FOXE1: variants seen among roughly 807,000 people sequenced by gnomAD.
FOXE1 encodes forkhead box protein E1.
Under a neutral mutation model 2.1 loss-of-function variants are expected in FOXE1, and 4 were observed. That is an observed-to-expected ratio of 1.91 (90% CI 0.94 to 4.37). The LOEUF (loss-of-function observed/expected upper bound fraction) is 4.37. Among genes scored for constraint, FOXE1 ranks in the 30% most tolerant of loss-of-function variants. The probability of loss-of-function intolerance (pLI) is 0.01; values close to 1 mark genes in which losing one functional copy is unlikely to be tolerated. For missense variants in FOXE1, 574 were observed against 583.3 expected (o/e 0.98, Z 0.16); for synonymous variants, 277 against 272.4 (o/e 1.02, Z -0.17).
chr9:97,854,101 G>C lies in FOXE1; in HGVS notation c.187G>C (p.Ala63Pro). Reference sequence around the variant, plus strand: ...GCCCTACAGCTACATCGCGCTCATCGCCATGGCCATCGCGCACGCGCCCGA... The same window carrying C: ...GCCCTACAGCTACATCGCGCTCATCCCCATGGCCATCGCGCACGCGCCCGA... ...KPPYSYIALI[A>P]MAIAHAPERR... is the part of the protein sequence containing the mutation. The change falls in exon 1 of 1, where the codon GCC (alanine) becomes CCC (proline). Residue 63 changes from alanine (A) to proline (P), a missense_variant. Ala to Pro is a conservative substitution (Grantham distance 27). Coordinates refer to ENST00000375123, the MANE Select transcript of FOXE1 (RefSeq NM_004473.4). 6.2e-7 allele frequency: 1 copy of C among 1,609,732 alleles called. No individual in the cohort carries two copies. Among genetic ancestry groups the C allele is most frequent in the Non-Finnish European group, 8.5e-7 (1 of 1,178,212 alleles).
rs2131485266 is a variant in FOXE1, at chr9:97,853,783, C to G, written c.-132C>G. 1.2e-6 allele frequency: 1 copy of G among 834,280 alleles called. No homozygotes were observed. Among genetic ancestry groups the G allele is most frequent in the Non-Finnish European group, 1.6e-6 (1 of 632,062 alleles). 51.7% of individuals were successfully genotyped at this position (834,280 alleles called of 1,614,324 possible). On this transcript the variant is annotated 5_prime_UTR_variant, in exon 1 of 1. Transcript: ENST00000375123. Reference sequence around the variant, plus strand: ...GTGCCAGCCTGGGCCGCTGGGCTCTCGGGGCCAGCCCGCGACGATCCCCTG... The same window carrying G: ...GTGCCAGCCTGGGCCGCTGGGCTCTGGGGGCCAGCCCGCGACGATCCCCTG...
rs1302186073 is a variant in FOXE1 at position 97,854,787 on chromosome 9, C to T, written c.873C>T (p.Gly291=). ...YAGPDGAYPQ[G]AGSAIFAAAG... ...GCCCCGACGGCGCGTACCCGCAGGG[C>T]GCCGGCAGTGCGATCTTTGCCGCTG... Residue 291 remains glycine, a synonymous_variant, in exon 1 of 1, where the codon GGC becomes GGT. Transcript: ENST00000375123. 3 of 1,523,530 alleles carry T rather than the reference C, an allele frequency of 2.0e-6. No homozygotes were observed. Among genetic ancestry groups the T allele is most frequent in the Admixed American group, 2.0e-5 (1 of 49,920 alleles). The allele number at this position is 1,523,530 out of a possible 1,614,324, so 94.4% of individuals were successfully genotyped here.
rs1242527237 is a variant in FOXE1 at position 97,855,178 on chromosome 9, G to A, written c.*142G>A. 55 of 1,098,434 alleles carry A rather than the reference G, an allele frequency of 5.0e-5. No homozygotes were observed. Among genetic ancestry groups the A allele is most frequent in the Non-Finnish European group, 2.7e-6 (2 of 737,186 alleles). 68.0% of individuals were successfully genotyped at this position (1,098,434 alleles called of 1,614,324 possible). ...CAGGCCACAGAGGCTCGGTCTCCCC[G>A]CGCACAGCGTAGGCACCCGGTGTAC... On this transcript the variant is annotated 3_prime_UTR_variant, in exon 1 of 1. Transcript: ENST00000375123.
In FOXE1 at chr9:97,855,128, T is replaced by C; in HGVS notation, c.*92T>C. The C allele has an allele frequency of 6.7e-7, 1 of 1,494,834 alleles. No individual in the cohort carries two copies. The highest frequency in any genetic ancestry group is 9.2e-7 in the Non-Finnish European group (1 of 1,092,162). The allele number at this position is 1,494,834 out of a possible 1,614,324, so 92.6% of individuals were successfully genotyped here. ...AACAGGAATGGAGAGAGGACTCAAC[T>C]GGGACCCACGTGGAAAAGACCGAGC... is the stretch of plus-strand genomic sequence containing the variant. On this transcript the variant is annotated 3_prime_UTR_variant, in exon 1 of 1. Transcript: ENST00000375123.
rs558894547 is a variant in FOXE1 at position 97,855,412 on chromosome 9, A to G, written c.*376A>G. 3.0e-6 allele frequency: 1 copy of G among 338,828 alleles called. No homozygotes were observed. The highest frequency in any genetic ancestry group is 4.4e-5 in the Admixed American group (1 of 22,972). The allele number at this position is 338,828 out of a possible 1,614,324, so 21.0% of individuals were successfully genotyped here. ...GTTTCAGCCTTCCATGTGCTGCCGG[A>G]ACTCGGGCCTTTTTACGCGGTTCGT... On this transcript the variant is annotated 3_prime_UTR_variant, in exon 1 of 1. Coordinates refer to ENST00000375123, the MANE Select transcript of FOXE1 (RefSeq NM_004473.4).
In FOXE1 at chr9:97,855,926, A is replaced by T. The variant is rs1012625071; in HGVS notation, c.*890A>T. The T allele has an allele frequency of 6.0e-6, 1 of 167,004 alleles. No homozygotes were observed. Among genetic ancestry groups the T allele is most frequent in the Non-Finnish European group, 1.5e-5 (1 of 68,130 alleles). 10.3% of individuals were successfully genotyped at this position (167,004 alleles called of 1,614,324 possible). On this transcript the variant is annotated 3_prime_UTR_variant, in exon 1 of 1. Coordinates refer to ENST00000375123, the MANE Select transcript of FOXE1 (RefSeq NM_004473.4). ...ATAACTTATTGAACTTTTGAGCAGGACGTGCTGGTAATTTCATGGCTGTTA... is the reference window on the plus strand; with the variant it reads ...ATAACTTATTGAACTTTTGAGCAGGTCGTGCTGGTAATTTCATGGCTGTTA...
Position 97,854,146 on chromosome 9 carries a change from G to T in FOXE1, c.232G>T (p.Gly78Cys). Residue 78 changes from glycine to cysteine, a missense_variant, in exon 1 of 1, where the codon GGC becomes TGC. Coordinates refer to ENST00000375123, the MANE Select transcript of FOXE1 (RefSeq NM_004473.4). The part of the protein sequence containing the change: ...HAPERRLTLG[G>C]IYKFITERFP... ...GCCCGAGCGCCGCCTCACGCTGGGC[G>T]GCATCTACAAGTTCATCACCGAGCG... The T allele has an allele frequency of 6.2e-7, 1 of 1,612,510 alleles. No homozygotes were observed. Among genetic ancestry groups the T allele is most frequent in the Non-Finnish European group, 8.5e-7 (1 of 1,179,538 alleles).
rs775187654 is a variant in FOXE1 at position 97,854,412 on chromosome 9, T to TGCCGCAGCC, written c.504_512dup (p.Ala177_Ala179dup). 6 of 1,192,336 alleles carry TGCCGCAGCC rather than the reference T, an allele frequency of 5.0e-6. No homozygotes were observed. Among genetic ancestry groups the TGCCGCAGCC allele is most frequent in the Middle Eastern group, 3.2e-4 (1 of 3,154 alleles). 73.9% of individuals were successfully genotyped at this position (1,192,336 alleles called of 1,614,324 possible). A position where few individuals can be genotyped will look rare whatever the true frequency, so the allele number is the denominator to read the frequency against. On this transcript the variant is annotated inframe_insertion, in exon 1 of 1. Coordinates refer to ENST00000375123, the MANE Select transcript of FOXE1 (RefSeq NM_004473.4). ...CGGCTTACATGCACGACGCGGCGGCTGCCGCAGCCGCCGCCGCCGCCGCCG... is the reference window on the plus strand; with the variant it reads ...CGGCTTACATGCACGACGCGGCGGCTGCCGCAGCCGCCGCAGCCGCCGCCGCCGCCGCCG...
Position 97,854,783 on chromosome 9 carries a change from A to C in FOXE1, c.869A>C (p.Gln290Pro), listed in dbSNP as rs1830645667. ...GCGGGCCCCGACGGCGCGTACCCGC[A>C]GGGCGCCGGCAGTGCGATCTTTGCC... ...AYAGPDGAYP[Q>P]GAGSAIFAAA... is the part of the protein sequence containing the mutation. Residue 290 changes from glutamine (Q) to proline (P), a missense_variant, in exon 1 of 1, where the codon CAG becomes CCG. Coordinates refer to ENST00000375123, the MANE Select transcript of FOXE1 (RefSeq NM_004473.4). 3 of 1,517,424 alleles carry C rather than the reference A, an allele frequency of 2.0e-6. No individual in the cohort carries two copies. Among genetic ancestry groups the C allele is most frequent in the Non-Finnish European group, 2.6e-6 (3 of 1,140,046 alleles). 94.0% of individuals were successfully genotyped at this position (1,517,424 alleles called of 1,614,324 possible).
Position 97,854,588 on chromosome 9 carries a change from G to A in FOXE1, c.674G>A (p.Gly225Asp). Reference protein sequence around the residue: ...AASPGPCRVFGLVPERPLSPE... With the variant: ...AASPGPCRVFDLVPERPLSPE... ...TCGCCCGGCCCTTGCCGCGTCTTCG[G>A]CCTGGTTCCTGAGCGGCCGCTCAGC... The change falls in exon 1 of 1, where the codon GGC becomes GAC. Residue 225 changes from glycine (G) to aspartate (D), a missense_variant. This residue lies in a region of FOXE1 where 316 missense variants were observed against 288.4 expected (regional missense o/e 1.10). Coordinates refer to ENST00000375123, the MANE Select transcript of FOXE1 (RefSeq NM_004473.4). 3.0e-6 allele frequency: 4 copies of A among 1,351,894 alleles called. No homozygotes were observed. In the African/African-American group the frequency reaches 4.6e-5, roughly 16 times the overall value. 83.7% of individuals were successfully genotyped at this position (1,351,894 alleles called of 1,614,324 possible). A position where few individuals can be genotyped will look rare whatever the true frequency, so the allele number is the denominator to read the frequency against.
chr9:97,855,203 C>A lies in FOXE1; in HGVS notation c.*167C>A. 1.2e-6 allele frequency: 1 copy of A among 851,308 alleles called. No homozygotes were observed. Among genetic ancestry groups the A allele is most frequent in the Non-Finnish European group, 1.9e-6 (1 of 517,654 alleles). 52.7% of individuals were successfully genotyped at this position (851,308 alleles called of 1,614,324 possible). On this transcript the variant is annotated 3_prime_UTR_variant, in exon 1 of 1. Coordinates refer to ENST00000375123, the MANE Select transcript of FOXE1 (RefSeq NM_004473.4). The stretch of plus-strand genomic sequence containing the variant: ...GCGCACAGCGTAGGCACCCGGTGTA[C>A]TCTGTAAACGGGAGGAGGTGGGGCG...
rs1487193179 is a variant in FOXE1 at position 97,854,028 on chromosome 9, C to T, written c.114C>T (p.Arg38=). The T allele has an allele frequency of 2.1e-6, 3 of 1,422,520 alleles. No homozygotes were observed. The highest frequency in any genetic ancestry group is 1.8e-6 in the Non-Finnish European group (2 of 1,092,290). The allele number at this position is 1,422,520 out of a possible 1,614,324, so 88.1% of individuals were successfully genotyped here. The change falls in exon 1 of 1, where the codon CGC becomes CGT. Residue 38 remains arginine, a synonymous_variant. Transcript: ENST00000375123. ...GAGVPGEATG[R]GAGGRRRKRP... The stretch of plus-strand genomic sequence containing the variant: ...GGGTCCCAGGGGAGGCCACGGGCCG[C>T]GGGGCGGGCGGGCGGCGCCGCAAGC...
rs917273011 is a variant in FOXE1, at chr9:97,853,268, C to T, written c.-647C>T. The T allele has an allele frequency of 6.6e-6, 1 of 152,452 alleles. No individual in the cohort carries two copies. The highest frequency in any genetic ancestry group is 1.5e-5 in the Non-Finnish European group (1 of 68,256). 9.4% of individuals were successfully genotyped at this position (152,452 alleles called of 1,614,324 possible). A position where few individuals can be genotyped will look rare whatever the true frequency, so the allele number is the denominator to read the frequency against. On this transcript the variant is annotated 5_prime_UTR_variant, in exon 1 of 1. Transcript: ENST00000375123. The stretch of plus-strand genomic sequence containing the variant: ...GCAGGGGAGCGCCTCGCCAGCGGTC[C>T]GCAGGGCTGGAGACCCACGCCGTGG...
rs1057363769 is a variant in FOXE1, at chr9:97,854,486, C to G, written c.572C>G (p.Pro191Arg). The G allele has an allele frequency of 1.5e-5, 18 of 1,230,220 alleles. No individual in the cohort carries two copies. In the South Asian group the frequency reaches 2.4e-4, roughly 16 times the overall value. 76.2% of individuals were successfully genotyped at this position (1,230,220 alleles called of 1,614,324 possible). Reference sequence around the variant, plus strand: ...GGCGCGGTGCCCGCCGCGCGCCCCCCCTACCCGGGCGCCGTCTATGCAGGC... The same window carrying G: ...GGCGCGGTGCCCGCCGCGCGCCCCCGCTACCCGGGCGCCGTCTATGCAGGC... ...FPGAVPAARPPYPGAVYAGYA... is the reference protein window; with the variant it reads ...FPGAVPAARPRYPGAVYAGYA... Residue 191 changes from proline (P) to arginine (R), a missense_variant, in exon 1 of 1, where the codon CCC (proline) becomes CGC (arginine). Around this residue, in one of 3 missense-constraint regions of FOXE1, gnomAD observed 316 missense variants for 288.4 expected, o/e 1.10. Transcript: ENST00000375123.
Position 97,854,054 on chromosome 9 carries a change from G to A in FOXE1, c.140G>A (p.Arg47His). Residue 47 changes from arginine (R) to histidine (H), a missense_variant, in exon 1 of 1, where the codon CGC (arginine) becomes CAC (histidine). By Grantham distance (29) the Arg-to-His change is conservative (BLOSUM62 0). Coordinates refer to ENST00000375123, the MANE Select transcript of FOXE1 (RefSeq NM_004473.4). The stretch of plus-strand genomic sequence containing the variant: ...GGGGCGGGCGGGCGGCGCCGCAAGC[G>A]CCCCCTGCAGCGCGGGAAGCCGCCC... ...GRGAGGRRRK[R>H]PLQRGKPPYS... 2 of 1,509,462 alleles carry A rather than the reference G, an allele frequency of 1.3e-6. No homozygotes were observed. The highest frequency in any genetic ancestry group is 1.8e-6 in the Non-Finnish European group (2 of 1,129,336). 93.5% of individuals were successfully genotyped at this position (1,509,462 alleles called of 1,614,324 possible).
rs981138228 is a variant in FOXE1, at chr9:97,855,341, G to C, written c.*305G>C. 1 of 523,300 alleles carries C rather than the reference G, an allele frequency of 1.9e-6. No individual in the cohort carries two copies. 32.4% of individuals were successfully genotyped at this position (523,300 alleles called of 1,614,324 possible). A position where few individuals can be genotyped will look rare whatever the true frequency, so the allele number is the denominator to read the frequency against. On this transcript the variant is annotated 3_prime_UTR_variant, in exon 1 of 1. Coordinates refer to ENST00000375123, the MANE Select transcript of FOXE1 (RefSeq NM_004473.4). ...GGTCCTTGGCGGTAACCAGAGGGCA[G>C]CGTAGTGTCAACACCAGAGACCAGG...
Position 97,856,423 on chromosome 9 carries a change from GTT to G in FOXE1, c.*1390_*1391del, listed in dbSNP as rs1303061880. 6.0e-6 allele frequency: 1 copy of G among 167,006 alleles called. No homozygotes were observed. The highest frequency in any genetic ancestry group is 1.5e-5 in the Non-Finnish European group (1 of 68,110). The allele number at this position is 167,006 out of a possible 1,614,324, so 10.3% of individuals were successfully genotyped here. A position where few individuals can be genotyped will look rare whatever the true frequency, so the allele number is the denominator to read the frequency against. ...ATAAACTGGAGTGTTCAGATGGACT[GTT>G]TTAATAAAAATCTTTGAGCAAGTGA... On this transcript the variant is annotated 3_prime_UTR_variant, in exon 1 of 1. Coordinates refer to ENST00000375123, the MANE Select transcript of FOXE1 (RefSeq NM_004473.4).
chr9:97,854,619 G>C lies in FOXE1; in HGVS notation c.705G>C (p.Glu235Asp). Residue 235 changes from glutamate (E) to aspartate (D), a missense_variant, in exon 1 of 1, where the codon GAG becomes GAC. Around this residue, in one of 3 missense-constraint regions of FOXE1, gnomAD observed 316 missense variants for 288.4 expected, o/e 1.10. Transcript: ENST00000375123. ...TTCCTGAGCGGCCGCTCAGCCCAGA[G>C]CTGGGGCCCGCACCGTCGGGGCCCG... Reference protein sequence around the residue: ...GLVPERPLSPELGPAPSGPGG... With the variant: ...GLVPERPLSPDLGPAPSGPGG... 7.2e-7 allele frequency: 1 copy of C among 1,388,406 alleles called. No homozygotes were observed. Among genetic ancestry groups the C allele is most frequent in the Non-Finnish European group, 9.3e-7 (1 of 1,079,892 alleles). The allele number at this position is 1,388,406 out of a possible 1,614,324, so 86.0% of individuals were successfully genotyped here.
Position 97,854,684 on chromosome 9 carries a change from C to T in FOXE1, c.770C>T (p.Thr257Ile). 4 of 1,412,514 alleles carry T rather than the reference C, an allele frequency of 2.8e-6. No homozygotes were observed. The highest frequency in any genetic ancestry group is 1.5e-5 in the South Asian group (1 of 66,638). The allele number at this position is 1,412,514 out of a possible 1,614,324, so 87.5% of individuals were successfully genotyped here. A position where few individuals can be genotyped will look rare whatever the true frequency, so the allele number is the denominator to read the frequency against. Residue 257 changes from threonine (T) to isoleucine (I), a missense_variant, in exon 1 of 1, where the codon ACC becomes ATC. By Grantham distance (89) the Thr-to-Ile change is moderately conservative (BLOSUM62 -1). This residue lies in a region of FOXE1 where 316 missense variants were observed against 288.4 expected (regional missense o/e 1.10). Coordinates refer to ENST00000375123, the MANE Select transcript of FOXE1 (RefSeq NM_004473.4). Reference sequence around the variant, plus strand: ...TTTGCCTCCGCCGGCGCCCCCGCTACCACCACCGGCTACCAGCCCGCAGGC... The same window carrying T: ...TTTGCCTCCGCCGGCGCCCCCGCTATCACCACCGGCTACCAGCCCGCAGGC... ...CAFASAGAPA[T>I]TTGYQPAGCT...
Sources: allele counts gnomAD v4.1 joint callset, GRCh38; gene constraint gnomAD v4.1.1; regional missense constraint gnomAD v4.1.1; transcripts MANE v1.5; gene names NCBI Gene and HGNC (gene_info 2026-07-23, HGNC 2026-07-21).